PXMP4: variants seen among roughly 807,000 people sequenced by gnomAD.
The protein encoded by PXMP4 is 24 kDa peroxisomal intrinsic membrane protein.
PXMP4 carries 16 observed loss-of-function variants against 21.6 expected under a neutral mutation model. The observed-to-expected ratio is 0.74, with a 90% CI of 0.50 to 1.13. PXMP4 has a LOEUF of 1.13. Among genes scored for constraint, PXMP4 ranks in the 50% most tolerant of loss-of-function variants. The probability of loss-of-function intolerance (pLI) is 0.00; values close to 1 mark genes in which losing one functional copy is unlikely to be tolerated. For synonymous variants in PXMP4, 127 were observed against 123.8 expected, an observed-to-expected ratio of 1.03 and a Z score of -0.17; for missense variants, 240 against 277.7, an observed-to-expected ratio of 0.86 and a Z score of 0.96.
In PXMP4 at chr20:33,714,739, G is replaced by A; in HGVS notation, c.114-3C>T. The A allele has an allele frequency of 6.2e-7, 1 of 1,613,736 alleles. No individual in the cohort carries two copies. The highest frequency in any genetic ancestry group is 8.5e-7 in the Non-Finnish European group (1 of 1,179,656). ...GGGCCCGGATTTTGGCTCCATAGCTGTAGAAACAGAAGAAAACAGTTACTA... is the reference window on the plus strand; with the variant it reads ...GGGCCCGGATTTTGGCTCCATAGCTATAGAAACAGAAGAAAACAGTTACTA... On this transcript the variant is annotated splice_region_variant and splice_polypyrimidine_tract_variant and intron_variant, in intron 1 of 3. Transcript: ENST00000409299.
intron 1 of PXMP4, among the ~76,000 whole-genome samples, chr20:33,718,770 G>A (rs2018413735): frequency 1.3e-5 from 2 of 151,938 alleles, no homozygotes; most frequent in Admixed American, 1.3e-4. Context: ...TGGAAAATGG[G>A]GACAATGGCA....
At chr20:33,720,036 G>A in intron 1 of PXMP4, 59 bp downstream of exon 1, 1 of 1,527,676 alleles carries the variant, frequency 6.5e-7, no homozygotes, top group Non-Finnish European at 9.0e-7. Context: ...TCGAACTCGC[G>A]CCTCTGACCC....
In PXMP4 at chr20:33,704,668, T is replaced by C. The variant is rs2018238899; in HGVS notation, c.*3038A>G. Reference sequence around the variant, plus strand: ...CTCAATTACCTAAGGGCTCTGTGACTCATTTGTCAGATGGGATAATAATGG... The same window carrying C: ...CTCAATTACCTAAGGGCTCTGTGACCCATTTGTCAGATGGGATAATAATGG... On this transcript the variant is annotated 3_prime_UTR_variant, in exon 4 of 4. Transcript: ENST00000409299. The C allele has an allele frequency of 6.6e-6, 1 of 152,226 alleles. No homozygotes were observed. The highest frequency in any genetic ancestry group is 1.5e-5 in the Non-Finnish European group (1 of 68,058). 9.4% of individuals were successfully genotyped at this position (152,226 alleles called of 1,614,324 possible). A position where few individuals can be genotyped will look rare whatever the true frequency, so the allele number is the denominator to read the frequency against.
At chr20:33,714,929 C>T (rs535606126) in intron 1 of PXMP4, among the ~76,000 whole-genome samples, 193 bp from the exon 2 acceptor site, 9 of 152,256 alleles carry the variant, frequency 5.9e-5, no homozygotes, top group Admixed American at 4.6e-4. Context: ...CCTTTAACTT[C>T]TCTCAGACTC....
intron 2 of PXMP4, among the ~76,000 whole-genome samples, 179 bp from the exon 3 acceptor site, chr20:33,710,932 A>G (rs2018319959): frequency 6.6e-6 from 1 of 152,128 alleles, no homozygotes; most frequent in Admixed American, 6.6e-5. Flanking sequence ...CCACCTCCCC[A>G]AGGAGACCCT....
At chr20:33,711,052 C>G (rs1422938853) in intron 2 of PXMP4, among the ~76,000 whole-genome samples, 1 of 152,188 alleles carries the variant, frequency 6.6e-6, no homozygotes, top group Non-Finnish European at 1.5e-5. Context: ...TGTTTATTAT[C>G]TTCCCTCACC....
intron 2 of PXMP4, among the ~76,000 whole-genome samples, chr20:33,713,415 C>T (rs2018352391): frequency 6.6e-6 from 1 of 152,202 alleles, no homozygotes; most frequent in African/African-American, 2.4e-5. Context: ...TCATAGCGGC[C>T]TTCCCTATTT....
chr20:33,714,840 A>C, intron 1 of PXMP4, 104 bp from the exon 2 acceptor site: 3 of 1,128,146 alleles, frequency 2.7e-6, no homozygotes, highest in Non-Finnish European at 4.0e-6. Context: ...CCAAATTCTA[A>C]CACCACTTTG....
rs2018272207 is a variant in PXMP4, at chr20:33,707,638, G to C, written c.*68C>G. 6.4e-7 allele frequency: 1 copy of C among 1,557,566 alleles called. No individual in the cohort carries two copies. Among genetic ancestry groups the C allele is most frequent in the African/African-American group, 1.4e-5 (1 of 73,634 alleles). ...GTCTGAGGCCTATGATCTTGAGAAG[G>C]CAGTATCCTTTGGGAGGGTCTGCAT... On this transcript the variant is annotated 3_prime_UTR_variant, in exon 4 of 4. Coordinates refer to ENST00000409299, the MANE Select transcript of PXMP4 (RefSeq NM_007238.5).
rs1308150864 is a variant in PXMP4, at chr20:33,705,004, T to G, written c.*2702A>C. The G allele has an allele frequency of 1.4e-5, 2 of 147,980 alleles. No individual in the cohort carries two copies. 9.2% of individuals were successfully genotyped at this position (147,980 alleles called of 1,614,324 possible). A position where few individuals can be genotyped will look rare whatever the true frequency, so the allele number is the denominator to read the frequency against. On this transcript the variant is annotated 3_prime_UTR_variant, in exon 4 of 4. Transcript: ENST00000409299. The stretch of plus-strand genomic sequence containing the variant: ...TCCAGGATTGTGTTTTTTTTTTTTT[T>G]TTTTTTTTTGAGACAGAGTCTTACT...
At chr20:33,716,927 C>T (rs148529707) in intron 1 of PXMP4, among the ~76,000 whole-genome samples, 1 of 152,242 alleles carries the variant, frequency 6.6e-6, no homozygotes, top group African/African-American at 2.4e-5. Flanking sequence ...AAAAGGCTGG[C>T]ACTTTGGGAA....
chr20:33,704,303 A>G lies in PXMP4; in HGVS notation c.*3403T>C, dbSNP rs143540897. ...ATTAGATTCTCATAAGGAGCATGCA[A>G]CCTAGATCCCTTGCATGCGCAGTTC... On this transcript the variant is annotated 3_prime_UTR_variant, in exon 4 of 4. Coordinates refer to ENST00000409299, the MANE Select transcript of PXMP4 (RefSeq NM_007238.5). The G allele has an allele frequency of 0.048, 7,343 of 153,260 alleles. 524 individuals are homozygous for G. Among genetic ancestry groups the G allele is most frequent in the African/African-American group, 0.16 (6,829 of 41,510 alleles). 9.5% of individuals were successfully genotyped at this position (153,260 alleles called of 1,614,324 possible).
chr20:33,718,998 C>T (rs989208759), intron 1 of PXMP4, among the ~76,000 whole-genome samples: 6 of 151,952 alleles, frequency 3.9e-5, no homozygotes, highest in Middle Eastern at 6.8e-3. Context: ...TGGGTTCAAG[C>T]GGTTCTCCTG....
At chr20:33,713,800 T>C (rs1271210738) in intron 2 of PXMP4, among the ~76,000 whole-genome samples, 1 of 152,234 alleles carries the variant, frequency 6.6e-6, no homozygotes, top group Non-Finnish European at 1.5e-5. Flanking sequence ...TGCCAGTGCA[T>C]GATTCCTGTA....
Position 33,707,746 on chromosome 20 carries a change from GA to G in PXMP4, c.598del (p.Ser200GlnfsTer58), listed in dbSNP as rs1257680082. The G allele has an allele frequency of 6.2e-7, 1 of 1,614,024 alleles. No homozygotes were observed. The highest frequency in any genetic ancestry group is 8.5e-7 in the Non-Finnish European group (1 of 1,180,020). ...YEDSNVWHDI[S>X]DFLVYNKSRP... ...GCTCTTGTTATAGACGAGGAAGTCT[GA>G]GATGTCGTGCCATACATTGCTGTCC... On this transcript the variant is annotated frameshift_variant, in exon 4 of 4. Coordinates refer to ENST00000409299, the MANE Select transcript of PXMP4 (RefSeq NM_007238.5). LOFTEE classifies it high-confidence loss of function.
In PXMP4 at chr20:33,707,621, C is replaced by G. The variant is rs1311648428; in HGVS notation, c.*85G>C. On this transcript the variant is annotated 3_prime_UTR_variant, in exon 4 of 4. Coordinates refer to ENST00000409299, the MANE Select transcript of PXMP4 (RefSeq NM_007238.5). ...GGATAACACCAGTTGGAGTCTGAGGCCTATGATCTTGAGAAGGCAGTATCC... is the reference window on the plus strand; with the variant it reads ...GGATAACACCAGTTGGAGTCTGAGGGCTATGATCTTGAGAAGGCAGTATCC... The G allele has an allele frequency of 2.0e-6, 3 of 1,515,332 alleles. No individual in the cohort carries two copies. The highest frequency in any genetic ancestry group is 2.8e-5 in the African/African-American group (2 of 72,474). The allele number at this position is 1,515,332 out of a possible 1,614,324, so 93.9% of individuals were successfully genotyped here. A position where few individuals can be genotyped will look rare whatever the true frequency, so the allele number is the denominator to read the frequency against.
chr20:33,717,815 A>T (rs867012148), intron 1 of PXMP4, among the ~76,000 whole-genome samples: 6 of 152,056 alleles, frequency 3.9e-5, no homozygotes, highest in Middle Eastern at 3.4e-3. Flanking sequence ...CTATACTCAG[A>T]TGAATAGTAG....
At chr20:33,708,336 C>T (rs2018286788) in intron 3 of PXMP4, among the ~76,000 whole-genome samples, 1 of 151,108 alleles carries the variant, frequency 6.6e-6, no homozygotes, top group African/African-American at 2.4e-5. Context: ...ACAGGTGGCG[C>T]CCACCATGCC....
intron 1 of PXMP4, among the ~76,000 whole-genome samples, chr20:33,717,045 GC>G (rs2018390530): frequency 6.6e-6 from 1 of 152,100 alleles, no homozygotes; most frequent in Non-Finnish European, 1.5e-5. Flanking sequence ...GGGTGTGGTG[GC>G]AGGCACCTGT....
Sources: allele counts gnomAD v4.1 joint callset (sites outside exome capture counted in the v4.1 genomes callset), GRCh38; gene constraint gnomAD v4.1.1; transcripts MANE v1.5; gene names NCBI Gene and HGNC (gene_info 2026-07-23, HGNC 2026-07-21).